Variants in KCNT2 observed in about 807,000 individuals in gnomAD.
KCNT2 encodes potassium sodium-activated channel subfamily T member 2.
KCNT2 carries 67 observed loss-of-function variants against 153.8 expected under a neutral mutation model. That is an observed-to-expected ratio of 0.44 (90% CI 0.36 to 0.53). KCNT2 has a LOEUF of 0.53. KCNT2 is among the 20% of genes least tolerant of loss of function. The pLI is 0.00. For synonymous variants in KCNT2, 500 were observed against 458.8 expected (o/e 1.09, Z -1.15); for missense variants, 975 against 1,354.8 (o/e 0.72, Z 4.40).
chr1:196,256,981 G>A (rs1375098508), intron 26 of KCNT2, among the ~76,000 whole-genome samples: 1 of 151,948 alleles, frequency 6.6e-6, no homozygotes, highest in African/African-American at 2.4e-5. Context: ...CATTAAATGT[G>A]ATTATATTAA....
intron 8 of KCNT2, among the ~76,000 whole-genome samples, chr1:196,430,392 CTCTCTCTCTCTCTCTT>C (rs781546961): frequency 0.013 from 1,953 of 151,190 alleles, 41 homozygotes; most frequent in African/African-American, 0.045. Flanking sequence ...CTCTCTCTCT[CTCTCTCTCTCTCTCTT>C]TCTCTCTCTC....
chr1:196,579,563 G>A (rs889917552), intron 1 of KCNT2, among the ~76,000 whole-genome samples: 3 of 151,740 alleles, frequency 2.0e-5, no homozygotes, highest in South Asian at 2.1e-4. Context: ...ACACGATCTC[G>A]GCTCACTGCA....
At chr1:196,347,767 C>G (rs537838653) in intron 14 of KCNT2, among the ~76,000 whole-genome samples, 87 of 152,196 alleles carry the variant, frequency 5.7e-4, no homozygotes, top group Middle Eastern at 3.4e-3. Flanking sequence ...TTAATTTGTC[C>G]TGAACAAGAC....
chr1:196,374,914 A>G (rs1449957339), intron 13 of KCNT2, among the ~76,000 whole-genome samples: 3 of 151,982 alleles, frequency 2.0e-5, no homozygotes, highest in Middle Eastern at 3.4e-3. Flanking sequence ...AAACTGTAAC[A>G]GAAAATTTGG....
At chr1:196,336,852 A>G (rs1369715821) in intron 16 of KCNT2, among the ~76,000 whole-genome samples, 1 of 152,036 alleles carries the variant, frequency 6.6e-6, no homozygotes, top group African/African-American at 2.4e-5. Context: ...AGGACACCTC[A>G]CTCATTGGGT....
intron 1 of KCNT2, among the ~76,000 whole-genome samples, chr1:196,511,558 C>A (rs1681633655): frequency 6.6e-6 from 1 of 152,088 alleles, no homozygotes; most frequent in Non-Finnish European, 1.5e-5. Flanking sequence ...GCTGCTATAG[C>A]AAAATAACAT....
At chr1:196,504,859 G>GT (rs1385870212) in intron 1 of KCNT2, among the ~76,000 whole-genome samples, 4 of 152,266 alleles carry the variant, frequency 2.6e-5, no homozygotes, top group African/African-American at 9.6e-5. Flanking sequence ...TTTTTTATGT[G>GT]TTTTTTGGCT....
At chr1:196,337,036 C>T (rs1665106501) in intron 16 of KCNT2, among the ~76,000 whole-genome samples, 1 of 152,088 alleles carries the variant, frequency 6.6e-6, no homozygotes, top group South Asian at 2.1e-4. Flanking sequence ...TACATAAGAT[C>T]AGAAATACAA....
At chr1:196,473,149 C>T (rs1235651809) in intron 5 of KCNT2, among the ~76,000 whole-genome samples, 1 of 152,136 alleles carries the variant, frequency 6.6e-6, no homozygotes, top group Non-Finnish European at 1.5e-5. Context: ...CTTTACCTTT[C>T]TTTACAACTT....
chr1:196,228,267 C>T lies in KCNT2; in HGVS notation c.3365G>A (p.Cys1122Tyr), dbSNP rs1191612517. 1.2e-6 allele frequency: 2 copies of T among 1,611,324 alleles called. No homozygotes were observed. Among genetic ancestry groups the T allele is most frequent in the Non-Finnish European group, 1.7e-6 (2 of 1,178,162 alleles). Residue 1122 changes from cysteine to tyrosine, a missense_variant, in exon 28 of 28, where the codon TGC becomes TAC. Cys to Tyr is a radical substitution (Grantham distance 194). This residue lies in a region of KCNT2 where 241 missense variants were observed against 271.1 expected (regional missense o/e 0.89). Transcript: ENST00000294725. ...CCGAGAATCTTGACCAGTGACATTG[C>T]AGATGCTGTTTCTTCGACTGGGCTC... ...NSEPSRRNSI[C>Y]NVTGQDSREE...
At chr1:196,478,422 C>T (rs992267096) in intron 5 of KCNT2, among the ~76,000 whole-genome samples, 1 of 152,146 alleles carries the variant, frequency 6.6e-6, no homozygotes, top group Non-Finnish European at 1.5e-5. Flanking sequence ...CTATACAATG[C>T]CCCCATGTTC....
At chr1:196,274,247 A>G (rs1658346522) in intron 25 of KCNT2, among the ~76,000 whole-genome samples, 1 of 151,634 alleles carries the variant, frequency 6.6e-6, no homozygotes, top group South Asian at 2.1e-4. Flanking sequence ...AAAGAACAAT[A>G]GTCTATTCAT....
chr1:196,268,247 C>T (rs574514811), intron 25 of KCNT2, among the ~76,000 whole-genome samples: 1 of 152,252 alleles, frequency 6.6e-6, no homozygotes, highest in East Asian at 1.9e-4. Context: ...CTGGGAATCC[C>T]TTGCCTCATA....
At chr1:196,579,396 T>A (rs1661749203) in intron 1 of KCNT2, among the ~76,000 whole-genome samples, 1 of 151,924 alleles carries the variant, frequency 6.6e-6, no homozygotes, top group African/African-American at 2.4e-5. Flanking sequence ...ACCTGCGTGA[T>A]GAAATAATCT....
chr1:196,362,726 T>C (rs184404023), intron 14 of KCNT2, among the ~76,000 whole-genome samples: 1 of 152,280 alleles, frequency 6.6e-6, no homozygotes, highest in African/African-American at 2.4e-5. Flanking sequence ...AGTCTTTCTT[T>C]GTTGAAGACT....
At chr1:196,575,050 T>A (rs918284527) in intron 1 of KCNT2, among the ~76,000 whole-genome samples, 10 of 152,034 alleles carry the variant, frequency 6.6e-5, no homozygotes, top group African/African-American at 2.4e-4. Context: ...ATTATAAAAG[T>A]ATAAAGAAAG....
chr1:196,247,274 G>T lies in KCNT2; in HGVS notation c.3211+10920C>A, dbSNP rs182713194. ...CATGCAACCAACATTGGAATACCCA[G>T]ATATACAAAGCAAATATTATAAGAA... On this transcript the variant is annotated intron_variant, in intron 26 of 27. Coordinates refer to ENST00000294725, the MANE Select transcript of KCNT2 (RefSeq NM_198503.5). Among the ~76,000 whole-genome samples the T allele has an allele frequency of 3.2e-3, 486 of 152,206 alleles. 2 individuals are homozygous for T. The highest frequency in any genetic ancestry group is 5.0e-3 in the Non-Finnish European group (337 of 68,016).
chr1:196,376,515 G>T (rs747521283), intron 13 of KCNT2, among the ~76,000 whole-genome samples: 1 of 151,338 alleles, frequency 6.6e-6, no homozygotes, highest in Non-Finnish European at 1.5e-5. Flanking sequence ...TTTTCATGTT[G>T]CAGAGATTCC....
At chr1:196,236,292 G>A (rs562532201) in intron 26 of KCNT2, among the ~76,000 whole-genome samples, 17 of 151,472 alleles carry the variant, frequency 1.1e-4, no homozygotes, top group Non-Finnish European at 1.0e-4. Context: ...TAACAATAAA[G>A]TATCTAATTC....
Sources: allele counts gnomAD v4.1 joint callset (sites outside exome capture counted in the v4.1 genomes callset), GRCh38; gene constraint gnomAD v4.1.1; regional missense constraint gnomAD v4.1.1; transcripts MANE v1.5; gene names NCBI Gene and HGNC (gene_info 2026-07-23, HGNC 2026-07-21).